KIAA1549: variants seen among roughly 807,000 people sequenced by gnomAD.
The protein encoded by KIAA1549 is KIAA1549, also known as UPF0606 protein KIAA1549.
A neutral mutation model predicts 156.4 loss-of-function variants in KIAA1549; 70 were observed. The observed-to-expected ratio is 0.45, with a 90% CI of 0.37 to 0.55. The LOEUF (loss-of-function observed/expected upper bound fraction) is 0.55, where lower values mean the gene tolerates loss of function less well. Among genes scored for constraint, KIAA1549 ranks in the 20% least tolerant of loss-of-function variants. KIAA1549 has a pLI of 0.00. For synonymous variants in KIAA1549, 1,103 were observed against 1,066.4 expected (o/e 1.03, Z -0.67); for missense variants, 2,428 against 2,540.9 (o/e 0.96, Z 0.96).
chr7:138,885,198 T>C (rs112704731), intron 10 of KIAA1549, among the ~76,000 whole-genome samples: 1,843 of 152,314 alleles, frequency 0.012, 43 homozygotes, highest in African/African-American at 0.042. Context: ...TAATCCACCA[T>C]TGTACTCCAG....
At chr7:138,912,944 G>A (rs10235163) in intron 2 of KIAA1549, among the ~76,000 whole-genome samples, 1 of 151,900 alleles carries the variant, frequency 6.6e-6, no homozygotes, top group East Asian at 1.9e-4. Flanking sequence ...GCGCAATCTT[G>A]GCTCACTGTA....
chr7:138,966,292 A>G (rs1379662767), intron 1 of KIAA1549, among the ~76,000 whole-genome samples: 2 of 152,148 alleles, frequency 1.3e-5, no homozygotes, highest in Non-Finnish European at 2.9e-5. Context: ...ACACACACAC[A>G]CAGAGGGAAC....
chr7:138,903,860 C>T lies in KIAA1549; in HGVS notation c.3521-124G>A, dbSNP rs56143457. ...GTGTGTGTGTGTGTGTGTGCGCGCG[C>T]GCGCGCGCGCACATATGTATTTGAA... On this transcript the variant is annotated intron_variant, in intron 7 of 19. Coordinates refer to ENST00000422774, the MANE Select transcript of KIAA1549 (RefSeq NM_001164665.2). The T allele has an allele frequency of 5.2e-3, 3,240 of 627,702 alleles. 150 individuals carry two copies. In the African/African-American group the frequency reaches 0.055, roughly 11 times the overall value. 38.9% of individuals were successfully genotyped at this position (627,702 alleles called of 1,614,324 possible). A position where few individuals can be genotyped will look rare whatever the true frequency, so the allele number is the denominator to read the frequency against.
intron 1 of KIAA1549, among the ~76,000 whole-genome samples, chr7:138,980,214 G>C (rs946715538): frequency 1.3e-5 from 2 of 152,246 alleles, no homozygotes; most frequent in African/African-American, 4.8e-5. Context: ...TCAAGTGCCT[G>C]TGCAGGGGCA....
intron 10 of KIAA1549, among the ~76,000 whole-genome samples, 170 bp downstream of exon 10, chr7:138,894,172 G>A (rs1811617177): frequency 1.3e-5 from 2 of 152,188 alleles, no homozygotes; most frequent in African/African-American, 4.8e-5. Flanking sequence ...CACAGAAGGA[G>A]GGTTTCAGGA....
chr7:138,955,464 G>A (rs537963882), intron 1 of KIAA1549, among the ~76,000 whole-genome samples: 35 of 152,282 alleles, frequency 2.3e-4, no homozygotes, highest in African/African-American at 8.2e-4. Context: ...GATGCCAGGG[G>A]ATAGGGGAGA....
chr7:138,882,851 G>T (rs192987853), intron 10 of KIAA1549, among the ~76,000 whole-genome samples: 4 of 152,000 alleles, frequency 2.6e-5, no homozygotes, highest in Admixed American at 2.6e-4. Flanking sequence ...CCTCTCCAGG[G>T]ATACAAGCAT....
At chr7:138,937,956 A>G (rs1301688931) in intron 1 of KIAA1549, among the ~76,000 whole-genome samples, 4 of 152,200 alleles carry the variant, frequency 2.6e-5, no homozygotes, top group Non-Finnish European at 5.9e-5. Context: ...TGCCGCAGTC[A>G]GGAGGGGCCA....
chr7:138,917,343 G>A lies in KIAA1549; in HGVS notation c.2283C>T (p.Ser761=). The change falls in exon 2 of 20, where the codon TCC becomes TCT. Residue 761 remains serine, a synonymous_variant. Transcript: ENST00000422774. The part of the protein sequence containing the change: ...TTSYLESSLI[S]HESAVTALVP... Reference sequence around the variant, plus strand: ...CCAGTGCAGTGACTGCGGATTCATGGGAAATGAGTGAAGACTCAAGATAGG... The same window carrying A: ...CCAGTGCAGTGACTGCGGATTCATGAGAAATGAGTGAAGACTCAAGATAGG... The A allele has an allele frequency of 6.2e-7, 1 of 1,613,914 alleles. No individual in the cohort carries two copies. The highest frequency in any genetic ancestry group is 8.5e-7 in the Non-Finnish European group (1 of 1,179,850).
At chr7:138,938,942 G>C (rs1813096145) in intron 1 of KIAA1549, among the ~76,000 whole-genome samples, 1 of 152,202 alleles carries the variant, frequency 6.6e-6, no homozygotes, top group Non-Finnish European at 1.5e-5. Context: ...CAGCTACTTG[G>C]GAGGCTGAGG....
intron 10 of KIAA1549, among the ~76,000 whole-genome samples, chr7:138,889,861 T>C (rs558010559): frequency 6.6e-6 from 1 of 152,336 alleles, no homozygotes; most frequent in South Asian, 2.1e-4. Flanking sequence ...CCTTAGATAA[T>C]TACCTTCTTT....
At chr7:138,916,338 G>A (rs1222059044) in intron 2 of KIAA1549, among the ~76,000 whole-genome samples, 1 of 152,202 alleles carries the variant, frequency 6.6e-6, no homozygotes, top group African/African-American at 2.4e-5. Context: ...GGTTATGGTA[G>A]GACAAAGATC....
At chr7:138,910,052 C>T (rs866463158) in intron 4 of KIAA1549, among the ~76,000 whole-genome samples, 6 of 152,034 alleles carry the variant, frequency 3.9e-5, no homozygotes, top group East Asian at 1.9e-4. Context: ...CGAGATGATA[C>T]GATGCCTGAG....
intron 1 of KIAA1549, among the ~76,000 whole-genome samples, chr7:138,943,621 G>A (rs1393196094): frequency 3.3e-5 from 5 of 152,176 alleles, no homozygotes; most frequent in East Asian, 1.9e-4. Context: ...AGGCCAAGGC[G>A]GGTGGATCAC....
chr7:138,968,173 C>T (rs777847179), intron 1 of KIAA1549, among the ~76,000 whole-genome samples: 10 of 152,116 alleles, frequency 6.6e-5, no homozygotes, highest in Non-Finnish European at 8.8e-5. Context: ...GAACAACACA[C>T]ACCAGGCCCT....
rs547000703 is a variant in KIAA1549, at chr7:138,961,396, A to G, written c.187+19687T>C. 3.3e-5 allele frequency among the ~76,000 whole-genome samples: 5 copies of G among 152,268 alleles called. No individual in the cohort carries two copies. The South Asian group carries it at 1.0e-3, about 32-fold the overall frequency. ...CAGCTGGGCAGAAAATAGATCTATT[A>G]GGCTCCTACCGTGGGCTGAGAGAGC... On this transcript the variant is annotated intron_variant, in intron 1 of 19. Coordinates refer to ENST00000422774, the MANE Select transcript of KIAA1549 (RefSeq NM_001164665.2).
chr7:138,911,089 T>TAAA (rs11379929), intron 4 of KIAA1549, 57 bp downstream of exon 4: 22 of 1,066,206 alleles, frequency 2.1e-5, no homozygotes, highest in African/African-American at 2.0e-4. Flanking sequence ...TTTAGAAAGA[T>TAAA]AAAAAAAAAA....
intron 17 of KIAA1549, among the ~76,000 whole-genome samples, chr7:138,845,972 C>G (rs895598439): frequency 1.3e-5 from 2 of 152,126 alleles, no homozygotes; most frequent in African/African-American, 4.8e-5. Context: ...AGTTCAGTCT[C>G]CACTCAAACA....
Position 138,833,930 on chromosome 7 carries a change from G to T in KIAA1549, c.*3976C>A, listed in dbSNP as rs374483178. The T allele has an allele frequency of 7.3e-5, 17 of 231,844 alleles. No homozygotes were observed. In the East Asian group the frequency reaches 9.7e-4, roughly 13 times the overall value. 14.4% of individuals were successfully genotyped at this position (231,844 alleles called of 1,614,324 possible). Reference sequence around the variant, plus strand: ...CTGAAACTCCCTCAATAGTGCAGTCGGGGATTCTGTCCCCATATCAAAGCA... The same window carrying T: ...CTGAAACTCCCTCAATAGTGCAGTCTGGGATTCTGTCCCCATATCAAAGCA... On this transcript the variant is annotated 3_prime_UTR_variant, in exon 20 of 20. Coordinates refer to ENST00000422774, the MANE Select transcript of KIAA1549 (RefSeq NM_001164665.2).
Sources: gnomAD v4.1 joint callset for allele counts (sites outside exome capture counted in the v4.1 genomes callset) on GRCh38, gnomAD v4.1.1 for gene constraint, MANE v1.5 for transcripts, NCBI Gene and HGNC (gene_info 2026-07-23, HGNC 2026-07-21) for gene names.